Variants in CDK14 observed in about 807,000 individuals in gnomAD.
CDK14 encodes cyclin-dependent kinase 14.
CDK14 carries 34 observed loss-of-function variants against 60.7 expected under a neutral mutation model. The ratio of observed to expected loss-of-function variants is 0.56; its 90% CI spans 0.43 to 0.75. The LOEUF (loss-of-function observed/expected upper bound fraction) is 0.75, where lower values mean the gene tolerates loss of function less well. Among genes scored for constraint, CDK14 ranks in the 30% least tolerant of loss-of-function variants. CDK14 has a pLI of 0.00. For synonymous variants in CDK14, 197 were observed against 203.7 expected (o/e 0.97, Z 0.28); for missense variants, 482 against 564.1 (o/e 0.85, Z 1.47).
intron 10 of CDK14, among the ~76,000 whole-genome samples, chr7:91,037,825 A>C (rs1243904046): frequency 2.0e-5 from 3 of 152,236 alleles, no homozygotes; most frequent in Non-Finnish European, 2.9e-5. Context: ...GATGTTGACA[A>C]GTTTTGTTTG....
intron 2 of CDK14, chr7:90,710,356 G>T (rs1802015657): frequency 1.0e-6 from 1 of 985,102 alleles, no homozygotes; most frequent in African/African-American, 1.7e-5. Flanking sequence ...TTGGCTGAAT[G>T]CCCTCTGAGT....
intron 8 of CDK14, among the ~76,000 whole-genome samples, chr7:90,921,467 T>C: frequency 6.6e-6 from 1 of 152,224 alleles, no homozygotes; most frequent in East Asian, 1.9e-4. Context: ...TTCATCTATT[T>C]AGTTTTTGCT....
At chr7:91,200,206 A>G (rs1412803045) in intron 14 of CDK14, among the ~76,000 whole-genome samples, 2 of 152,216 alleles carry the variant, frequency 1.3e-5, no homozygotes, top group East Asian at 1.9e-4. Context: ...TTTAAAACTT[A>G]CCACTTTGAA....
At chr7:91,060,218 C>T (rs1168678887) in intron 11 of CDK14, among the ~76,000 whole-genome samples, 1 of 150,260 alleles carries the variant, frequency 6.7e-6, no homozygotes, top group East Asian at 1.9e-4. Flanking sequence ...GCTAGGATTG[C>T]AACCCCTGCC....
intron 8 of CDK14, among the ~76,000 whole-genome samples, chr7:90,925,561 AC>A (rs1223028775): frequency 6.6e-6 from 1 of 152,232 alleles, no homozygotes; most frequent in Non-Finnish European, 1.5e-5. Flanking sequence ...TACCAGAATT[AC>A]AAGAACAATG....
intron 5 of CDK14, among the ~76,000 whole-genome samples, chr7:90,853,245 GA>G (rs1006171266): frequency 6.6e-6 from 1 of 152,056 alleles, no homozygotes; most frequent in African/African-American, 2.4e-5. Context: ...TTTGTTGGCT[GA>G]CATTTTTTGG....
At chr7:90,874,272 G>A (rs909436058) in intron 6 of CDK14, among the ~76,000 whole-genome samples, 2 of 151,896 alleles carry the variant, frequency 1.3e-5, no homozygotes, top group Non-Finnish European at 2.9e-5. Flanking sequence ...ATCTTTATTC[G>A]GTGCTCATGC....
intron 5 of CDK14, among the ~76,000 whole-genome samples, chr7:90,840,803 C>A (rs1033111765): frequency 6.6e-6 from 1 of 152,188 alleles, no homozygotes; most frequent in East Asian, 1.9e-4. Flanking sequence ...AGACTGCTTA[C>A]CATAGTTTCT....
At chr7:91,093,216 G>A (rs532516016) in intron 12 of CDK14, among the ~76,000 whole-genome samples, 3 of 152,154 alleles carry the variant, frequency 2.0e-5, no homozygotes, top group Admixed American at 6.6e-5. Context: ...GATTGGGAAC[G>A]GGAAAAGAAG....
intron 10 of CDK14, among the ~76,000 whole-genome samples, chr7:91,019,228 C>A (rs1406942439): frequency 2.6e-5 from 4 of 152,154 alleles, no homozygotes; most frequent in Admixed American, 2.6e-4. Flanking sequence ...TCTTCATCAT[C>A]CCCATCATCC....
At chr7:91,072,213 G>A (rs1584014829) in intron 11 of CDK14, among the ~76,000 whole-genome samples, 1 of 152,244 alleles carries the variant, frequency 6.6e-6, no homozygotes, top group Non-Finnish European at 1.5e-5. Flanking sequence ...CACCCAACTG[G>A]GCGAGACCCT....
intron 14 of CDK14, among the ~76,000 whole-genome samples, chr7:91,187,262 A>G (rs1050472120): frequency 3.3e-5 from 5 of 152,246 alleles, no homozygotes; most frequent in Non-Finnish European, 1.5e-5. Context: ...CATGGGAATC[A>G]GTAGACAGCT....
rs868790856 is a variant in CDK14, at chr7:90,775,680, A to C, written c.465-14893A>C. Reference sequence around the variant, plus strand: ...CCCCCTTTCTCCTCCTCCTCTTCTCATTTTCCTTCTCCTCCTCCTCTCCTT... The same window carrying C: ...CCCCCTTTCTCCTCCTCCTCTTCTCCTTTTCCTTCTCCTCCTCCTCTCCTT... On this transcript the variant is annotated intron_variant, in intron 4 of 14. Transcript: ENST00000380050. Among the ~76,000 whole-genome samples the C allele has an allele frequency of 7.3e-4, 37 of 51,010 alleles. No individual in the cohort carries two copies. The Middle Eastern group carries it at 0.059, about 81-fold the overall frequency. 33.5% of individuals were successfully genotyped at this position (51,010 alleles called of 152,430 possible). A position where few individuals can be genotyped will look rare whatever the true frequency, so the allele number is the denominator to read the frequency against.
chr7:90,931,044 G>A (rs1303607087), intron 8 of CDK14, among the ~76,000 whole-genome samples: 1 of 152,116 alleles, frequency 6.6e-6, no homozygotes, highest in East Asian at 1.9e-4. Flanking sequence ...ATTATGATCA[G>A]TGATTTTTTA....
At chr7:91,013,661 T>TG (rs1350653568) in intron 10 of CDK14, among the ~76,000 whole-genome samples, 2 of 151,036 alleles carry the variant, frequency 1.3e-5, no homozygotes, top group East Asian at 3.9e-4. Flanking sequence ...CCTCTGTTTT[T>TG]TTTTTTTTTT....
At chr7:90,963,086 A>AGAGTGT (rs146903374) in intron 9 of CDK14, among the ~76,000 whole-genome samples, 4,087 of 142,092 alleles carry the variant, frequency 0.029, 134 homozygotes, top group Admixed American at 0.086. Flanking sequence ...TCATCTTAAG[A>AGAGTGT]GTGTGTGTGT....
At position 91,204,820 on chromosome 7, in the gene CDK14, G is replaced by A. The variant is rs139807595; in HGVS notation, c.*29-2345G>A. On this transcript the variant is annotated intron_variant, in intron 14 of 14. Transcript: ENST00000380050. The stretch of plus-strand genomic sequence containing the variant: ...AAATTAGCCAGGCATGGTGATGTGT[G>A]CCTGTAGTCCCAGCTACTTGGGAGG... 4.9e-3 allele frequency among the ~76,000 whole-genome samples: 743 copies of A among 152,220 alleles called. 8 individuals are homozygous for A. The highest frequency in any genetic ancestry group is 0.016 in the African/African-American group (677 of 41,544).
intron 5 of CDK14, among the ~76,000 whole-genome samples, chr7:90,861,525 T>C (rs1791009830): frequency 1.3e-5 from 2 of 152,116 alleles, no homozygotes; most frequent in Non-Finnish European, 2.9e-5. Flanking sequence ...GTGTAGTTCA[T>C]TCACAGCACT....
At chr7:90,870,880 G>A (rs1286753505) in intron 6 of CDK14, among the ~76,000 whole-genome samples, 1 of 152,096 alleles carries the variant, frequency 6.6e-6, no homozygotes, top group Non-Finnish European at 1.5e-5. Context: ...CATTCTCTTT[G>A]TTATTTCCTG....
Sources: gnomAD v4.1 joint callset for allele counts (sites outside exome capture counted in the v4.1 genomes callset) on GRCh38, gnomAD v4.1.1 for gene constraint, MANE v1.5 for transcripts, NCBI Gene and HGNC (gene_info 2026-07-23, HGNC 2026-07-21) for gene names.